DNAI1: variants seen among roughly 807,000 people sequenced by gnomAD.
DNAI1 encodes the protein dynein axonemal intermediate chain 1.
Under a neutral mutation model 92.0 loss-of-function variants are expected in DNAI1, and 67 were observed. The ratio of observed to expected loss-of-function variants is 0.73; its 90% confidence interval spans 0.60 to 0.89. The LOEUF is 0.89. DNAI1 is among the 40% of genes least tolerant of loss of function. The pLI is 0.00. For synonymous variants in DNAI1, 323 were observed against 319.6 expected (o/e 1.01, Z -0.11); for missense variants, 839 against 866.6 (o/e 0.97, Z 0.40).
intron 12 of DNAI1, among the ~76,000 whole-genome samples, chr9:34,503,712 A>G (rs769138648): frequency 1.3e-5 from 2 of 152,178 alleles, no homozygotes; most frequent in Non-Finnish European, 2.9e-5. Context: ...ATTGCCTGCA[A>G]CAGCACAGAA....
chr9:34,491,183 A>G (rs1386011606), intron 7 of DNAI1, among the ~76,000 whole-genome samples: 1 of 152,194 alleles, frequency 6.6e-6, no homozygotes, highest in African/African-American at 2.4e-5. Flanking sequence ...GCTGACCTCT[A>G]TGCCCTGGCC....
intron 1 of DNAI1, among the ~76,000 whole-genome samples, chr9:34,474,524 A>G (rs1824203341): frequency 6.8e-6 from 1 of 147,346 alleles, no homozygotes; most frequent in African/African-American, 2.5e-5. Context: ...GGCATGAGCC[A>G]CTGCACCCAG....
chr9:34,517,334 A>C lies in DNAI1; in HGVS notation c.1868A>C (p.Gln623Pro). ...AACAAGTATGAGGCCATCTGCAACC[A>C]GCCTGTGGCGGCCAAAAAGAACAGG... is the stretch of plus-strand genomic sequence containing the variant. ...AINKYEAICN[Q>P]PVAAKKNRLT... Residue 623 changes from glutamine to proline, a missense_variant, in exon 19 of 20, where the codon CAG becomes CCG. By Grantham distance (76) the Gln-to-Pro change is moderately conservative. Coordinates refer to ENST00000242317, the MANE Select transcript of DNAI1 (RefSeq NM_012144.4). The C allele has an allele frequency of 6.2e-7, 1 of 1,614,142 alleles. No individual in the cohort carries two copies. The highest frequency in any genetic ancestry group is 8.5e-7 in the Non-Finnish European group (1 of 1,180,032).
intron 15 of DNAI1, 127 bp from the exon 16 acceptor site, chr9:34,512,985 T>C (rs1039511938): frequency 2.3e-5 from 19 of 817,706 alleles, no homozygotes; most frequent in Non-Finnish European, 3.9e-5. Context: ...GGGGCCCTAG[T>C]TCAGTCTGTC....
At chr9:34,460,951 C>T (rs1823941599) in intron 1 of DNAI1, among the ~76,000 whole-genome samples, 1 of 152,226 alleles carries the variant, frequency 6.6e-6, no homozygotes, top group African/African-American at 2.4e-5. Flanking sequence ...CGTCATTCTC[C>T]TGCCTCAGCC....
At chr9:34,488,618 A>G (rs554563191) in intron 4 of DNAI1, 1 of 154,688 alleles carries the variant, frequency 6.5e-6, no homozygotes, top group African/African-American at 2.4e-5. Context: ...GGTGCTGATC[A>G]ATGAGGAGGC....
intron 11 of DNAI1, 67 bp from the exon 12 acceptor site, chr9:34,501,071 A>G: frequency 7.4e-7 from 1 of 1,350,834 alleles, no homozygotes; most frequent in Non-Finnish European, 1.1e-6. Flanking sequence ...TGCCAATGGG[A>G]AGGCCCTTGT....
At chr9:34,515,959 A>G (rs2132085197) in intron 18 of DNAI1, among the ~76,000 whole-genome samples, 1 of 152,368 alleles carries the variant, frequency 6.6e-6, no homozygotes, top group East Asian at 1.9e-4. Flanking sequence ...AAAAGAAGAA[A>G]GATAGGTTCA....
chr9:34,496,119 T>C (rs1184844739), intron 9 of DNAI1, among the ~76,000 whole-genome samples: 2 of 152,164 alleles, frequency 1.3e-5, no homozygotes. Context: ...ATGAGGCAGA[T>C]GCCACCATCC....
intron 3 of DNAI1, 87 bp downstream of exon 3, chr9:34,485,327 C>T: frequency 6.3e-7 from 1 of 1,595,562 alleles, no homozygotes; most frequent in Non-Finnish European, 8.6e-7. Flanking sequence ...TAGGAGCTTG[C>T]CCAGAACCTG....
intron 12 of DNAI1, among the ~76,000 whole-genome samples, chr9:34,503,458 C>G (rs1824871006): frequency 6.6e-6 from 1 of 152,214 alleles, no homozygotes; most frequent in Admixed American, 6.5e-5. Flanking sequence ...CTCATGAGGA[C>G]AAACACTGGA....
At chr9:34,489,789 C>T (rs1824546313) in intron 5 of DNAI1, among the ~76,000 whole-genome samples, 2 of 152,016 alleles carry the variant, frequency 1.3e-5, no homozygotes, top group African/African-American at 4.8e-5. Flanking sequence ...GCAGAGGTTG[C>T]AGTGAGCCGA....
At chr9:34,512,981 C>G (rs1384727845) in intron 15 of DNAI1, 131 bp from the exon 16 acceptor site, 6 of 803,066 alleles carry the variant, frequency 7.5e-6, no homozygotes, top group Admixed American at 1.7e-5. Flanking sequence ...TACAGGGGCC[C>G]TAGTTCAGTC....
intron 1 of DNAI1, among the ~76,000 whole-genome samples, chr9:34,459,768 C>A (rs1403111861): frequency 6.6e-6 from 1 of 152,224 alleles, no homozygotes; most frequent in Non-Finnish European, 1.5e-5. Flanking sequence ...TTTATCCAAC[C>A]CTTTGCTGTG....
chr9:34,460,515 T>C (rs1173763966), intron 1 of DNAI1, among the ~76,000 whole-genome samples: 7 of 152,200 alleles, frequency 4.6e-5, no homozygotes, highest in Non-Finnish European at 8.8e-5. Flanking sequence ...CTTTCTTAGG[T>C]CTCTGCAGCC....
intron 4 of DNAI1, among the ~76,000 whole-genome samples, chr9:34,487,569 C>A (rs529863130): frequency 3.7e-4 from 56 of 152,130 alleles, no homozygotes; most frequent in African/African-American, 1.3e-3. Context: ...AGGGAAGCTG[C>A]CTTATCCTCC....
chr9:34,465,949 C>G (rs1181323225), intron 1 of DNAI1, among the ~76,000 whole-genome samples: 1 of 152,236 alleles, frequency 6.6e-6, no homozygotes, highest in East Asian at 1.9e-4. Context: ...CTCATAGAGT[C>G]ACTGGATTCT....
chr9:34,503,192 T>C (rs1036642526), intron 12 of DNAI1, among the ~76,000 whole-genome samples: 3 of 152,136 alleles, frequency 2.0e-5, no homozygotes, highest in Non-Finnish European at 4.4e-5. Flanking sequence ...CTTGCATATC[T>C]CAGAACCACC....
chr9:34,488,101 T>G (rs1306293075), intron 4 of DNAI1: 1 of 401,374 alleles, frequency 2.5e-6, no homozygotes, highest in Non-Finnish European at 5.0e-6. Context: ...TATTGAACAT[T>G]AATATTGAGC....
Sources: gnomAD v4.1 joint callset for allele counts (sites outside exome capture counted in the v4.1 genomes callset) on GRCh38, gnomAD v4.1.1 for gene constraint, MANE v1.5 for transcripts, NCBI Gene and HGNC (gene_info 2026-07-23, HGNC 2026-07-21) for gene names.